GPC5: variants seen among roughly 807,000 people sequenced by gnomAD.
GPC5 encodes glypican-5.
Under a neutral mutation model 53.9 loss-of-function variants are expected in GPC5, and 47 were observed. That is an observed-to-expected ratio of 0.87 (90% CI 0.69 to 1.11). GPC5 has a LOEUF of 1.11. GPC5 is among the 50% of genes most tolerant of loss of function. The pLI, the probability that GPC5 is intolerant of heterozygous loss-of-function variation, is 0.00. For synonymous variants in GPC5, 286 were observed against 263.3 expected (o/e 1.09, Z -0.84); for missense variants, 748 against 713.1 (o/e 1.05, Z -0.56).
intron 7 of GPC5, among the ~76,000 whole-genome samples, chr13:92,461,913 ATTT>A (rs770877806): frequency 2.0e-5 from 3 of 152,192 alleles, no homozygotes; most frequent in Non-Finnish European, 4.4e-5. Flanking sequence ...GAAAAGTCAT[ATTT>A]GGGCAAAGAC....
intron 1 of GPC5, among the ~76,000 whole-genome samples, 192 bp downstream of exon 1, chr13:91,399,401 C>G (rs934324929): frequency 6.6e-6 from 1 of 152,138 alleles, no homozygotes; most frequent in Non-Finnish European, 1.5e-5. Flanking sequence ...CTCTGGGGAC[C>G]CCTAACCAAG....
chr13:91,812,866 C>T (rs1361330075), intron 5 of GPC5, among the ~76,000 whole-genome samples: 3 of 152,164 alleles, frequency 2.0e-5, no homozygotes, highest in Admixed American at 1.3e-4. Flanking sequence ...GCTTTTTCTA[C>T]CCTCTGACCC....
intron 7 of GPC5, among the ~76,000 whole-genome samples, chr13:92,494,236 C>T (rs1382327589): frequency 1.1e-4 from 16 of 150,110 alleles, no homozygotes; most frequent in Admixed American, 1.3e-4. Flanking sequence ...ACTACAGGCG[C>T]CCGCCACTAC....
Position 91,465,761 on chromosome 13 carries a change from A to G in GPC5, c.325+16839A>G, listed in dbSNP as rs1299914958. 3.3e-5 allele frequency among the ~76,000 whole-genome samples: 5 copies of G among 152,196 alleles called. No homozygotes were observed. The East Asian group carries it at 9.7e-4, about 29-fold the overall frequency. ...TACTTATCTTTAACTTTTTTTCCTC[A>G]AAGGGAAAACTTATTAAATAAGTTA... On this transcript the variant is annotated intron_variant, in intron 2 of 7. Coordinates refer to ENST00000377067, the MANE Select transcript of GPC5 (RefSeq NM_004466.6).
At position 92,555,353 on chromosome 13, in the gene GPC5, T is replaced by TA. The variant is rs1307863883; in HGVS notation, c.1562-310925dup. Among the ~76,000 whole-genome samples, 5 of 151,644 alleles carry TA rather than the reference T, an allele frequency of 3.3e-5. No individual in the cohort carries two copies. In the South Asian group the frequency reaches 1.0e-3, roughly 31 times the overall value. The stretch of plus-strand genomic sequence containing the variant: ...TTAGAAATCCTCGTTGAAATATACT[T>TA]AAAATAATATTTAAATGTTAGTCTG... On this transcript the variant is annotated intron_variant, in intron 7 of 7. Transcript: ENST00000377067.
At chr13:92,065,923 A>G (rs958336334) in intron 6 of GPC5, among the ~76,000 whole-genome samples, 5 of 152,150 alleles carry the variant, frequency 3.3e-5, no homozygotes, top group Non-Finnish European at 7.4e-5. Context: ...GAATAGCCTG[A>G]AAGACAGTAG....
chr13:91,654,389 G>A (rs2034796620), intron 2 of GPC5, among the ~76,000 whole-genome samples: 2 of 152,040 alleles, frequency 1.3e-5, no homozygotes, highest in African/African-American at 4.8e-5. Context: ...AATGGATTCG[G>A]TAAGTAAATA....
intron 6 of GPC5, among the ~76,000 whole-genome samples, chr13:92,045,182 A>G (rs1399679504): frequency 5.9e-5 from 9 of 152,202 alleles, no homozygotes; most frequent in Non-Finnish European, 1.3e-4. Flanking sequence ...CCTGCATAAA[A>G]TTTAGCCCGT....
At chr13:92,032,023 A>T (rs1335516869) in intron 6 of GPC5, among the ~76,000 whole-genome samples, 1 of 134,874 alleles carries the variant, frequency 7.4e-6, no homozygotes, top group Non-Finnish European at 1.5e-5. Context: ...TATAATATAT[A>T]TAAAATATAT....
At chr13:91,847,206 C>A (rs2352194) in intron 5 of GPC5, among the ~76,000 whole-genome samples, 45,682 of 122,948 alleles carry the variant, frequency 0.37, 8,810 homozygotes, top group East Asian at 0.66. Context: ...GGCGACAGAG[C>A]AAGACTCCAT....
chr13:92,844,540 G>GTT (rs1397628805), intron 7 of GPC5, among the ~76,000 whole-genome samples: 1 of 151,662 alleles, frequency 6.6e-6, no homozygotes, highest in African/African-American at 2.4e-5. Context: ...GGAAAAATGT[G>GTT]TGTGTGTGTG....
intron 7 of GPC5, among the ~76,000 whole-genome samples, chr13:92,277,145 T>G (rs1347897091): frequency 6.6e-6 from 1 of 152,038 alleles, no homozygotes; most frequent in Admixed American, 6.6e-5. Context: ...TTAAGTAATA[T>G]AACATTGAAA....
rs1311845555 is a variant in GPC5, at chr13:92,592,685, C to T, written c.1562-273597C>T. Among the ~76,000 whole-genome samples the T allele has an allele frequency of 1.3e-5, 2 of 151,212 alleles. 1 individual carries two copies. The highest frequency in any genetic ancestry group is 4.9e-5 in the African/African-American group (2 of 41,212). On this transcript the variant is annotated intron_variant, in intron 7 of 7. Transcript: ENST00000377067. ...TAAAGTACCAGTTGAGAGATAATAC[C>T]TACATGTTATGAGGGAGTGAGTGGT...
intron 7 of GPC5, among the ~76,000 whole-genome samples, chr13:92,766,535 A>C (rs934074081): frequency 2.6e-5 from 4 of 152,196 alleles, no homozygotes; most frequent in African/African-American, 9.6e-5. Context: ...AATGTTTCAG[A>C]GATTAGCTGA....
chr13:92,260,022 C>T (rs749074765), intron 7 of GPC5, among the ~76,000 whole-genome samples: 3 of 152,286 alleles, frequency 2.0e-5, no homozygotes, highest in Non-Finnish European at 4.4e-5. Context: ...TCCCTCTAAT[C>T]TGCAGCCTTA....
At chr13:91,883,429 G>A (rs2039288626) in intron 5 of GPC5, among the ~76,000 whole-genome samples, 1 of 152,198 alleles carries the variant, frequency 6.6e-6, no homozygotes, top group Non-Finnish European at 1.5e-5. Context: ...CCTGTTTTTG[G>A]ACTATGCTTA....
At chr13:92,614,188 C>T (rs985742789) in intron 7 of GPC5, among the ~76,000 whole-genome samples, 7 of 152,000 alleles carry the variant, frequency 4.6e-5, no homozygotes, top group Non-Finnish European at 8.8e-5. Flanking sequence ...TGTCTAATAC[C>T]ATTAAAAATA....
At chr13:92,712,305 A>G (rs1408674000) in intron 7 of GPC5, among the ~76,000 whole-genome samples, 1 of 151,976 alleles carries the variant, frequency 6.6e-6, no homozygotes, top group African/African-American at 2.4e-5. Context: ...AAACAGGCCT[A>G]TTTCTCAAAA....
At chr13:91,896,354 C>T (rs1329247284) in intron 5 of GPC5, among the ~76,000 whole-genome samples, 4 of 152,050 alleles carry the variant, frequency 2.6e-5, no homozygotes, top group Non-Finnish European at 4.4e-5. Flanking sequence ...CTCCTGACCT[C>T]GTTATCCAGC....
Sources: allele counts gnomAD v4.1 joint callset (sites outside exome capture counted in the v4.1 genomes callset), GRCh38; gene constraint gnomAD v4.1.1; transcripts MANE v1.5; gene names NCBI Gene and HGNC (gene_info 2026-07-23, HGNC 2026-07-21).